Variants in SCIN observed in about 807,000 individuals in gnomAD.
SCIN encodes scinderin.
In SCIN, 91 loss-of-function variants were observed where a neutral mutation model predicts 91.8. The ratio of observed to expected loss-of-function variants is 0.99; its 90% CI spans 0.84 to 1.18. SCIN has a LOEUF of 1.18. Ranked by LOEUF, SCIN falls within the 50% of genes most tolerant of loss-of-function variation. SCIN has a pLI of 0.00. For missense variants in SCIN, 1,087 were observed against 863.9 expected (o/e 1.26, Z -3.24); for synonymous variants, 367 against 312.6 (o/e 1.17, Z -1.84).
chr7:12,581,036 T>C (rs1782476751), intron 2 of SCIN, 24 bp from the exon 3 acceptor site: 2 of 1,546,088 alleles, frequency 1.3e-6, no homozygotes, highest in East Asian at 2.4e-5. Context: ...GTTTTTTGTG[T>C]GTCTGTCTTC....
rs1448478212 is a variant in SCIN at position 12,653,649 on chromosome 7, A to G, written c.*934A>G. The G allele has an allele frequency of 6.6e-6, 1 of 152,184 alleles. No homozygotes were observed. Among genetic ancestry groups the G allele is most frequent in the Non-Finnish European group, 1.5e-5 (1 of 68,028 alleles). 9.4% of individuals were successfully genotyped at this position (152,184 alleles called of 1,614,324 possible). A position where few individuals can be genotyped will look rare whatever the true frequency, so the allele number is the denominator to read the frequency against. ...ATTGTATTGTTATCCACTTAGATAC[A>G]TGTACATGTACAGTACATGTTTAAT... On this transcript the variant is annotated 3_prime_UTR_variant, in exon 16 of 16. Coordinates refer to ENST00000297029, the MANE Select transcript of SCIN (RefSeq NM_001112706.3). The surrounding 1 kb of genome is among the most constrained non-coding windows in gnomAD (Gnocchi z 4.1).
At chr7:12,636,842 A>G (rs1214374363) in intron 10 of SCIN, among the ~76,000 whole-genome samples, 1 of 152,144 alleles carries the variant, frequency 6.6e-6, no homozygotes, top group African/African-American at 2.4e-5. Context: ...TATGCTAGTT[A>G]CCCTAATTTG....
intron 1 of SCIN, chr7:12,571,601 C>T (rs774652670): frequency 2.1e-5 from 10 of 468,100 alleles, no homozygotes; most frequent in Non-Finnish European, 4.0e-5. Context: ...CCGCTTCATT[C>T]GGAAGCTGGC....
At chr7:12,600,287 T>C (rs1782931670) in intron 3 of SCIN, among the ~76,000 whole-genome samples, 1 of 152,144 alleles carries the variant, frequency 6.6e-6, no homozygotes, top group Admixed American at 6.5e-5. Context: ...CACTTATATG[T>C]GGGAGCTAAG....
intron 10 of SCIN, among the ~76,000 whole-genome samples, chr7:12,638,299 C>T (rs7791260): frequency 7.1e-4 from 108 of 152,270 alleles, no homozygotes; most frequent in African/African-American, 2.5e-3. Context: ...TCTCTCATTC[C>T]CTGTGTCTTC....
chr7:12,606,260 A>C (rs910001388), intron 4 of SCIN, among the ~76,000 whole-genome samples: 1 of 152,178 alleles, frequency 6.6e-6, no homozygotes, highest in African/African-American at 2.4e-5. Flanking sequence ...TAATAGTGGT[A>C]GGTGGTATCT....
chr7:12,593,740 C>G (rs534140395), intron 3 of SCIN, among the ~76,000 whole-genome samples: 16 of 152,206 alleles, frequency 1.1e-4, no homozygotes, highest in African/African-American at 3.6e-4. Context: ...GGCTACAGTA[C>G]ACTTGGCCAG....
At chr7:12,600,158 G>T (rs1458553145) in intron 3 of SCIN, among the ~76,000 whole-genome samples, 1 of 152,052 alleles carries the variant, frequency 6.6e-6, no homozygotes, top group Non-Finnish European at 1.5e-5. Context: ...TTAGATTTAG[G>T]TCTACTCAGC....
intron 4 of SCIN, among the ~76,000 whole-genome samples, chr7:12,609,494 C>A (rs553823541): frequency 6.6e-6 from 1 of 151,438 alleles, no homozygotes; most frequent in East Asian, 1.9e-4. Context: ...GTTTTGTAAA[C>A]ATTAGGAGGA....
At chr7:12,627,330 C>T (rs1214468141) in intron 8 of SCIN, among the ~76,000 whole-genome samples, 4 of 152,094 alleles carry the variant, frequency 2.6e-5, no homozygotes, top group Admixed American at 6.5e-5. Flanking sequence ...AATGTTCCTA[C>T]GCCTCCTTGG....
At chr7:12,609,156 G>C (rs1385552748) in intron 4 of SCIN, among the ~76,000 whole-genome samples, 1 of 152,154 alleles carries the variant, frequency 6.6e-6, no homozygotes, top group African/African-American at 2.4e-5. Flanking sequence ...TGAGGAGATA[G>C]GACACAACCA....
intron 10 of SCIN, among the ~76,000 whole-genome samples, chr7:12,636,446 G>T (rs1350536332): frequency 6.6e-6 from 1 of 152,110 alleles, no homozygotes; most frequent in African/African-American, 2.4e-5. Flanking sequence ...CTGTATTACT[G>T]TTTCCAGCTG....
At chr7:12,610,621 C>T (rs10215726) in intron 4 of SCIN, among the ~76,000 whole-genome samples, 1,721 of 152,130 alleles carry the variant, frequency 0.011, 36 homozygotes, top group African/African-American at 0.039. Context: ...AAAAAATTCC[C>T]TTATTTTAGG....
chr7:12,604,724 G>GTA (rs35421630), intron 4 of SCIN, 61 bp downstream of exon 4: 3 of 1,072,790 alleles, frequency 2.8e-6, no homozygotes, highest in South Asian at 3.2e-5. Context: ...TGTCTGTGTG[G>GTA]TGTGTGTGTG....
rs185514736 is a variant in SCIN, at chr7:12,657,701, T to G, written c.*4986T>G. The G allele has an allele frequency of 8.2e-4, 122 of 149,584 alleles. No individual in the cohort carries two copies. Among genetic ancestry groups the G allele is most frequent in the African/African-American group, 2.9e-3 (119 of 41,024 alleles). The allele number at this position is 149,584 out of a possible 1,614,324, so 9.3% of individuals were successfully genotyped here. ...TATTTTCCCTTGGGCCTTTGCAGCC[T>G]GTGTTGTTTTTCTCTTTTTCATATT... On this transcript the variant is annotated 3_prime_UTR_variant, in exon 16 of 16. Coordinates refer to ENST00000297029, the MANE Select transcript of SCIN (RefSeq NM_001112706.3).
intron 2 of SCIN, 61 bp downstream of exon 2, chr7:12,578,279 C>T: frequency 7.1e-7 from 1 of 1,415,024 alleles, no homozygotes; most frequent in Non-Finnish European, 9.4e-7. Context: ...TCCATACCTC[C>T]TGTCTTCATA....
chr7:12,611,987 A>C (rs1217365500), intron 4 of SCIN, among the ~76,000 whole-genome samples: 1 of 152,074 alleles, frequency 6.6e-6, no homozygotes, highest in Non-Finnish European at 1.5e-5. Context: ...ACAAAAAATA[A>C]GTCATTAAAC....
rs1251341327 is a variant in SCIN at position 12,636,119 on chromosome 7, G to T, written c.1394G>T (p.Gly465Val). Reference sequence around the variant, plus strand: ...ACTGTTCAGTTGGATCGGTCCCTTGGAGGACAGGCTGTGCAGGTTGGGATA... The same window carrying T: ...ACTGTTCAGTTGGATCGGTCCCTTGTAGGACAGGCTGTGCAGGTTGGGATA... ...FLTVQLDRSL[G>V]GQAVQIRVSQ... The change falls in exon 10 of 16, where the codon GGA becomes GTA. Residue 465 changes from glycine to valine, a missense_variant. Physicochemically the swap from Gly to Val is moderately radical, Grantham distance 109. Coordinates refer to ENST00000297029, the MANE Select transcript of SCIN (RefSeq NM_001112706.3). 6.2e-7 allele frequency: 1 copy of T among 1,612,608 alleles called. No homozygotes were observed. The highest frequency in any genetic ancestry group is 8.5e-7 in the Non-Finnish European group (1 of 1,179,436).
At chr7:12,640,211 C>A in intron 10 of SCIN, 136 bp from the exon 11 acceptor site, 3 of 680,514 alleles carry the variant, frequency 4.4e-6, no homozygotes, top group Non-Finnish European at 6.6e-6. Flanking sequence ...TTCTGTTAAT[C>A]ATCATTCCTC....
Sources: gnomAD v4.1 joint callset for allele counts (sites outside exome capture counted in the v4.1 genomes callset) on GRCh38, gnomAD v4.1.1 for gene constraint, Gnocchi (gnomAD v3.1) non-coding constraint, MANE v1.5 for transcripts, NCBI Gene and HGNC (gene_info 2026-07-23, HGNC 2026-07-21) for gene names.